Variants in FAM149B1 observed in about 807,000 individuals in gnomAD.
FAM149B1 encodes primary cilium assembly protein FAM149B1.
Under a neutral mutation model 75.3 loss-of-function variants are expected in FAM149B1, and 56 were observed. That is an observed-to-expected ratio of 0.74 (90% CI 0.60 to 0.93). The LOEUF (loss-of-function observed/expected upper bound fraction) is 0.93, where lower values mean the gene tolerates loss of function less well. FAM149B1 is among the 40% of genes least tolerant of loss of function. The pLI, the probability that FAM149B1 is intolerant of heterozygous loss-of-function variation, is 0.00. For missense variants in FAM149B1, 639 were observed against 708.4 expected (o/e 0.90, Z 1.11); for synonymous variants, 259 against 256.1 (o/e 1.01, Z -0.11).
chr10:73,200,198 G>A (rs935858950), intron 5 of FAM149B1, among the ~76,000 whole-genome samples: 2 of 152,066 alleles, frequency 1.3e-5, no homozygotes, highest in South Asian at 4.2e-4. Context: ...GCATGTTGGC[G>A]CATACCTGTA....
At chr10:73,169,924 A>C (rs1444872139) in intron 1 of FAM149B1, among the ~76,000 whole-genome samples, 1 of 117,300 alleles carries the variant, frequency 8.5e-6, no homozygotes, top group Non-Finnish European at 1.6e-5. Flanking sequence ...TCCTTCATGG[A>C]GCTATATAAT....
At chr10:73,172,242 T>G (rs867271916) in intron 1 of FAM149B1, among the ~76,000 whole-genome samples, 42 of 152,274 alleles carry the variant, frequency 2.8e-4, no homozygotes, top group African/African-American at 7.9e-4. Flanking sequence ...GACATACAGG[T>G]AAGTCTGCAC....
chr10:73,186,849 G>C (rs2042534202), intron 3 of FAM149B1, among the ~76,000 whole-genome samples: 1 of 152,136 alleles, frequency 6.6e-6, no homozygotes, highest in South Asian at 2.1e-4. Context: ...GAGACAGAAA[G>C]TAGATTATTG....
At chr10:73,211,066 A>T (rs2043178190) in intron 7 of FAM149B1, among the ~76,000 whole-genome samples, 1 of 152,156 alleles carries the variant, frequency 6.6e-6, no homozygotes, top group Non-Finnish European at 1.5e-5. Flanking sequence ...GACTACCCCC[A>T]ACTTCAGATG....
chr10:73,193,603 C>T lies in FAM149B1; in HGVS notation c.542+10C>T. ...AAAGAGATTCTACTATGTGAGTATT[C>T]CATTATGTAAGTACTTCAATGTGCC... is the stretch of plus-strand genomic sequence containing the variant. On this transcript the variant is annotated intron_variant, in intron 5 of 13. Coordinates refer to ENST00000242505, the MANE Select transcript of FAM149B1 (RefSeq NM_173348.2). The T allele has an allele frequency of 6.5e-7, 1 of 1,549,272 alleles. No individual in the cohort carries two copies. Among genetic ancestry groups the T allele is most frequent in the Non-Finnish European group, 8.7e-7 (1 of 1,146,050 alleles).
At chr10:73,184,215 G>GA (rs1339881298) in intron 3 of FAM149B1, among the ~76,000 whole-genome samples, 1 of 151,858 alleles carries the variant, frequency 6.6e-6, no homozygotes, top group East Asian at 1.9e-4. Context: ...AACTTTAAAA[G>GA]AAAAAATACT....
chr10:73,231,873 T>C (rs180768002), intron 9 of FAM149B1, among the ~76,000 whole-genome samples: 3 of 149,678 alleles, frequency 2.0e-5, no homozygotes, highest in African/African-American at 7.4e-5. Context: ...AAGGTGAACA[T>C]AGGGCAGCTA....
chr10:73,176,571 A>G (rs904952194), intron 2 of FAM149B1, among the ~76,000 whole-genome samples: 20 of 152,160 alleles, frequency 1.3e-4, no homozygotes, highest in African/African-American at 4.8e-4. Flanking sequence ...CTGAGATGCA[A>G]TGTGTGATTA....
chr10:73,240,668 T>A (rs982952161), intron 13 of FAM149B1, among the ~76,000 whole-genome samples: 1 of 149,638 alleles, frequency 6.7e-6, no homozygotes, highest in Non-Finnish European at 1.5e-5. Context: ...GCCGAGATCA[T>A]GCCACTGCAC....
At chr10:73,235,836 G>A (rs1397601071) in intron 12 of FAM149B1, among the ~76,000 whole-genome samples, 1 of 152,008 alleles carries the variant, frequency 6.6e-6, no homozygotes, top group Non-Finnish European at 1.5e-5. Context: ...CCCAGCTTAG[G>A]ACTTTTTCTT....
chr10:73,198,597 G>A (rs2042861055), intron 5 of FAM149B1, among the ~76,000 whole-genome samples: 1 of 152,166 alleles, frequency 6.6e-6, no homozygotes, highest in African/African-American at 2.4e-5. Context: ...CTGAGGTCAA[G>A]TATTCAAGAC....
intron 7 of FAM149B1, among the ~76,000 whole-genome samples, chr10:73,213,972 G>A (rs2133373939): frequency 6.6e-6 from 1 of 152,140 alleles, no homozygotes. Flanking sequence ...TTTTCCATGT[G>A]TTTGTATCAT....
At chr10:73,172,820 T>C (rs1230255486) in intron 1 of FAM149B1, among the ~76,000 whole-genome samples, 1 of 151,874 alleles carries the variant, frequency 6.6e-6, no homozygotes, top group Non-Finnish European at 1.5e-5. Context: ...AAAGGTGAAA[T>C]TGGCCGAGTG....
intron 6 of FAM149B1, 24 bp from the exon 7 acceptor site, chr10:73,210,227 C>A (rs1241161700): frequency 2.0e-6 from 3 of 1,523,696 alleles, no homozygotes; most frequent in African/African-American, 1.4e-5. Flanking sequence ...ATCATGAAGT[C>A]TTTCCTTCTT....
intron 3 of FAM149B1, among the ~76,000 whole-genome samples, chr10:73,186,470 G>A (rs2042524339): frequency 1.3e-5 from 2 of 152,146 alleles, no homozygotes; most frequent in South Asian, 4.1e-4. Context: ...ATTCAGCATT[G>A]TATTGGAGCT....
intron 3 of FAM149B1, among the ~76,000 whole-genome samples, chr10:73,187,070 T>G (rs554981810): frequency 6.6e-6 from 1 of 152,294 alleles, no homozygotes; most frequent in South Asian, 2.1e-4. Flanking sequence ...TTCTATACAT[T>G]GGCAGTGAAC....
intron 3 of FAM149B1, among the ~76,000 whole-genome samples, chr10:73,190,497 CA>C (rs1170082343): frequency 7.1e-5 from 10 of 140,662 alleles, no homozygotes; most frequent in African/African-American, 7.8e-5. Flanking sequence ...AAACAAAAAA[CA>C]AAAAAAAAAC....
intron 3 of FAM149B1, among the ~76,000 whole-genome samples, chr10:73,187,720 A>G (rs923892672): frequency 6.7e-6 from 1 of 150,348 alleles, no homozygotes; most frequent in Non-Finnish European, 1.5e-5. Context: ...CAAGAGTGAA[A>G]CTCTGTCTCA....
chr10:73,226,928 G>C (rs531020430), intron 7 of FAM149B1, among the ~76,000 whole-genome samples: 1 of 152,286 alleles, frequency 6.6e-6, no homozygotes, highest in South Asian at 2.1e-4. Flanking sequence ...ATGCAGGTTT[G>C]CAGTATATGC....
Sources: gnomAD v4.1 joint callset for allele counts (sites outside exome capture counted in the v4.1 genomes callset) on GRCh38, gnomAD v4.1.1 for gene constraint, MANE v1.5 for transcripts, NCBI Gene and HGNC (gene_info 2026-07-23, HGNC 2026-07-21) for gene names.